Variants in XPO6 observed in about 807,000 individuals in gnomAD.
XPO6 encodes exportin 6.
In XPO6, 3 loss-of-function variants were observed where a neutral mutation model predicts 130.0. That is an observed-to-expected ratio of 0.02 (90% CI 0.01 to 0.06). The LOEUF is 0.06. XPO6 is among the 10% of genes least tolerant of loss of function. The pLI is 1.00. For missense variants in XPO6, 970 were observed against 1,393.0 expected (o/e 0.70, Z 4.83); for synonymous variants, 524 against 548.9 (o/e 0.95, Z 0.63).
At chr16:28,152,806 G>C in intron 7 of XPO6, 21 bp from the exon 8 acceptor site, 1 of 1,604,916 alleles carries the variant, frequency 6.2e-7, no homozygotes, top group South Asian at 1.1e-5. Context: ...CAAGACAAAA[G>C]GTGACAATAA....
chr16:28,156,397 A>G lies in XPO6; in HGVS notation c.774T>C (p.Ser258=), dbSNP rs1490763317. 3.1e-6 allele frequency: 5 copies of G among 1,614,048 alleles called. No homozygotes were observed. The highest frequency in any genetic ancestry group is 1.1e-5 in the South Asian group (1 of 91,076). The change falls in exon 7 of 24, where the codon AGT becomes AGC. Residue 258 remains serine (S), a synonymous_variant. Transcript: ENST00000304658. ...LALECLAHLF[S]WIPLSASITP... ...TGATGCTGGCAGACAGAGGAATCCAACTGAAGAGATGGGCCAGGCACTCCA... is the reference window on the plus strand; with the variant it reads ...TGATGCTGGCAGACAGAGGAATCCAGCTGAAGAGATGGGCCAGGCACTCCA...
At chr16:28,181,626 T>A (rs1231865219) in intron 1 of XPO6, among the ~76,000 whole-genome samples, 3 of 150,858 alleles carry the variant, frequency 2.0e-5, no homozygotes, top group African/African-American at 4.9e-5. Context: ...GATCTTCCCA[T>A]CCCAGCCACC....
intron 17 of XPO6, 45 bp downstream of exon 17, chr16:28,111,772 C>CT (rs1266794730): frequency 6.3e-7 from 1 of 1,596,636 alleles, no homozygotes; most frequent in East Asian, 2.2e-5. Context: ...AGAACAATGC[C>CT]TGCCTACCTC....
chr16:28,115,191 A>G (rs2087023482), intron 15 of XPO6, among the ~76,000 whole-genome samples: 1 of 152,348 alleles, frequency 6.6e-6, no homozygotes, highest in South Asian at 2.1e-4. Context: ...AATGGCATCT[A>G]GAATGGTGAA....
chr16:28,209,798 G>A (rs1219042953), intron 1 of XPO6, among the ~76,000 whole-genome samples: 2 of 152,142 alleles, frequency 1.3e-5, no homozygotes, highest in Admixed American at 6.5e-5. Flanking sequence ...GGAACTGAGA[G>A]CTTAACTGAT....
At position 28,169,740 on chromosome 16, in the gene XPO6, T is replaced by C. The variant is rs1316050786; in HGVS notation, c.565+10A>G. ...AGGCCTCTATCTCTGGGCACTACCA[T>C]ACTGCTCACCTGTCAGTAGCCCAAG... On this transcript the variant is annotated intron_variant, in intron 5 of 23. Transcript: ENST00000304658. 1.2e-6 allele frequency: 2 copies of C among 1,613,198 alleles called. No homozygotes were observed. Among genetic ancestry groups the C allele is most frequent in the Admixed American group, 1.7e-5 (1 of 59,992 alleles).
chr16:28,104,131 C>T (rs1393022716), intron 21 of XPO6, among the ~76,000 whole-genome samples: 1 of 152,170 alleles, frequency 6.6e-6, no homozygotes, highest in Non-Finnish European at 1.5e-5. Flanking sequence ...CAGTGTTTCT[C>T]CCAGTATGGT....
At chr16:28,181,113 C>T (rs2043607929) in intron 1 of XPO6, 82 bp from the exon 2 acceptor site, 1 of 1,021,136 alleles carries the variant, frequency 9.8e-7, no homozygotes, top group Non-Finnish European at 1.4e-6. Context: ...TCACATTCAA[C>T]AGCAAGAGCA....
intron 12 of XPO6, among the ~76,000 whole-genome samples, chr16:28,126,449 G>A (rs1188862183): frequency 2.0e-5 from 3 of 152,124 alleles, no homozygotes; most frequent in South Asian, 2.1e-4. Context: ...CAGATTCCCC[G>A]CCACTTCTGG....
At chr16:28,181,194 A>G (rs2043609019) in intron 1 of XPO6, 163 bp from the exon 2 acceptor site, 2 of 503,854 alleles carry the variant, frequency 4.0e-6, no homozygotes, top group East Asian at 3.3e-5. Flanking sequence ...ACTGAAGGGA[A>G]TTTCCCAGCT....
intron 17 of XPO6, 120 bp from the exon 18 acceptor site, chr16:28,107,797 A>C: frequency 7.4e-6 from 8 of 1,078,726 alleles, no homozygotes; most frequent in Non-Finnish European, 1.1e-5. Context: ...CACGAGTCTC[A>C]CTAAAGGAAC....
In XPO6 at chr16:28,104,555, G is replaced by A. The variant is rs1209209499; in HGVS notation, c.2937C>T (p.Ala979=). The A allele has an allele frequency of 6.2e-7, 1 of 1,614,072 alleles. No homozygotes were observed. Among genetic ancestry groups the A allele is most frequent in the Admixed American group, 1.7e-5 (1 of 60,010 alleles). ...EQMENEPQFS[A]IMQAFGQSFL... ...CCCGCCCCCACGTTACCTGCATGATGGCACTGAACTGGGGCTCATTCTCCA... is the reference window on the plus strand; with the variant it reads ...CCCGCCCCCACGTTACCTGCATGATAGCACTGAACTGGGGCTCATTCTCCA... Residue 979 remains alanine (A), a synonymous_variant, in exon 21 of 24, where the codon GCC becomes GCT. Transcript: ENST00000304658.
At chr16:28,114,032 C>T (rs2086993482) in intron 15 of XPO6, among the ~76,000 whole-genome samples, 1 of 151,976 alleles carries the variant, frequency 6.6e-6, no homozygotes, top group Admixed American at 6.6e-5. Context: ...AGTAATATAG[C>T]AGACTTGGAG....
Position 28,132,406 on chromosome 16 carries a change from G to A in XPO6, c.1537-3C>T, listed in dbSNP as rs1464909598. The A allele has an allele frequency of 6.3e-6, 10 of 1,589,268 alleles. No homozygotes were observed. Among genetic ancestry groups the A allele is most frequent in the Non-Finnish European group, 7.7e-6 (9 of 1,168,286 alleles). On this transcript the variant is annotated splice_region_variant and splice_polypyrimidine_tract_variant and intron_variant, in intron 11 of 23. Coordinates refer to ENST00000304658, the MANE Select transcript of XPO6 (RefSeq NM_015171.4). This position sits in a 1 kb window ranked among gnomAD's most constrained non-coding sequence, Gnocchi z 4.0. ...AAATTGTCCTGAAGAACAGGGAACT[G>A]AAAACAAAGAAACAAAAACAACAAA... is the stretch of plus-strand genomic sequence containing the variant.
intron 12 of XPO6, among the ~76,000 whole-genome samples, chr16:28,129,032 T>C (rs866095735): frequency 1.3e-5 from 2 of 152,314 alleles, no homozygotes; most frequent in East Asian, 3.9e-4. Flanking sequence ...GGAAAACAGC[T>C]TGGAAGTGCT....
At chr16:28,133,763 G>T (rs1282071209) in intron 11 of XPO6, 78 bp downstream of exon 11, 2 of 1,309,296 alleles carry the variant, frequency 1.5e-6, no homozygotes, top group African/African-American at 1.5e-5. Flanking sequence ...GAGAGAGAGA[G>T]ATCCAGGGGA....
At chr16:28,181,086 C>G in intron 1 of XPO6, 55 bp from the exon 2 acceptor site, 1 of 1,368,364 alleles carries the variant, frequency 7.3e-7, no homozygotes, top group Admixed American at 1.9e-5. Context: ...TTCCACTGTT[C>G]CTCAGTTCCT....
intron 1 of XPO6, among the ~76,000 whole-genome samples, chr16:28,195,925 T>C (rs901435108): frequency 5.3e-5 from 8 of 152,330 alleles, no homozygotes; most frequent in Non-Finnish European, 1.0e-4. Context: ...TTAGGCTGGT[T>C]ATTTTTTTGA....
intron 9 of XPO6, among the ~76,000 whole-genome samples, 179 bp from the exon 10 acceptor site, chr16:28,135,503 A>T (rs1206028394): frequency 6.6e-6 from 1 of 152,114 alleles, no homozygotes; most frequent in Non-Finnish European, 1.5e-5. Context: ...AGAGAAGCAG[A>T]GGTATTTATT....
Sources: gnomAD v4.1 joint callset for allele counts (sites outside exome capture counted in the v4.1 genomes callset) on GRCh38, gnomAD v4.1.1 for gene constraint, Gnocchi (gnomAD v3.1) non-coding constraint, MANE v1.5 for transcripts, NCBI Gene and HGNC (gene_info 2026-07-23, HGNC 2026-07-21) for gene names.